ZNF566: variants seen among roughly 807,000 people sequenced by gnomAD.
The protein encoded by ZNF566 is zinc finger protein 566.
ZNF566 carries 27 observed loss-of-function variants against 32.8 expected under a neutral mutation model. The ratio of observed to expected loss-of-function variants is 0.82; its 90% confidence interval spans 0.61 to 1.14. The LOEUF (loss-of-function observed/expected upper bound fraction) is 1.14. ZNF566 is among the 50% of genes most tolerant of loss of function. The pLI, the probability that ZNF566 is intolerant of heterozygous loss-of-function variation, is 0.00. For missense variants in ZNF566, 402 were observed against 490.4 expected, an observed-to-expected ratio of 0.82 and a Z score of 1.70; for synonymous variants, 154 against 159.5, an observed-to-expected ratio of 0.97 and a Z score of 0.26.
chr19:36,468,505 C>T (rs528825736), intron 4 of ZNF566, among the ~76,000 whole-genome samples: 1 of 151,624 alleles, frequency 6.6e-6, no homozygotes, highest in South Asian at 2.1e-4. Context: ...ATTCGGGAGG[C>T]TAAGGCATGA....
intron 4 of ZNF566, among the ~76,000 whole-genome samples, chr19:36,453,521 A>T (rs1271226516): frequency 2.7e-5 from 4 of 148,274 alleles, no homozygotes; most frequent in African/African-American, 7.4e-5. Context: ...ATTAATTAAA[A>T]TAAAATAAAA....
At chr19:36,470,511 A>G (rs1238736129) in intron 4 of ZNF566, among the ~76,000 whole-genome samples, 1 of 152,190 alleles carries the variant, frequency 6.6e-6, no homozygotes, top group Admixed American at 6.5e-5. Context: ...ATGGTCTCTG[A>G]GCCATCACTG....
intron 4 of ZNF566, among the ~76,000 whole-genome samples, chr19:36,455,779 G>C (rs1287617390): frequency 6.6e-6 from 1 of 151,046 alleles, no homozygotes; most frequent in East Asian, 2.0e-4. Context: ...AGTGGCTTAT[G>C]CCTGTAATCC....
chr19:36,488,818 A>G (rs1354017796), intron 1 of ZNF566, among the ~76,000 whole-genome samples: 1 of 152,204 alleles, frequency 6.6e-6, no homozygotes, highest in Non-Finnish European at 1.5e-5. Context: ...AAACTGGAGT[A>G]TAATGCCTAG....
At chr19:36,472,028 G>C (rs148555630) in intron 4 of ZNF566, among the ~76,000 whole-genome samples, 1 of 152,258 alleles carries the variant, frequency 6.6e-6, no homozygotes, top group African/African-American at 2.4e-5. Context: ...ACAGGGGTGA[G>C]CCACTGCACC....
At chr19:36,465,188 A>T (rs1377357736) in intron 4 of ZNF566, among the ~76,000 whole-genome samples, 1 of 152,190 alleles carries the variant, frequency 6.6e-6, no homozygotes, top group Non-Finnish European at 1.5e-5. Context: ...TTAAAATTAT[A>T]AAATAAGAGT....
intron 2 of ZNF566, among the ~76,000 whole-genome samples, chr19:36,474,301 G>A (rs1328556126): frequency 1.3e-5 from 2 of 152,176 alleles, no homozygotes; most frequent in Non-Finnish European, 2.9e-5. Context: ...GAGGGAAAAC[G>A]TATTGATTGG....
intron 4 of ZNF566, among the ~76,000 whole-genome samples, chr19:36,455,622 C>A (rs185115150): frequency 9.3e-4 from 141 of 152,132 alleles, no homozygotes; most frequent in African/African-American, 3.0e-3. Context: ...CACCTGTAAT[C>A]CCAGTTACTC....
intron 2 of ZNF566, among the ~76,000 whole-genome samples, chr19:36,475,207 G>T (rs1009692244): frequency 2.5e-4 from 38 of 152,080 alleles, no homozygotes; most frequent in Non-Finnish European, 1.2e-4. Context: ...CAACATGCCT[G>T]GCTAATTTTT....
intron 1 of ZNF566, among the ~76,000 whole-genome samples, chr19:36,483,741 G>A (rs1030600313): frequency 5.3e-5 from 8 of 152,090 alleles, no homozygotes; most frequent in Admixed American, 1.3e-4. Context: ...AACAATGAAC[G>A]ATTCGCAAAT....
chr19:36,470,655 T>C (rs1276200774), intron 4 of ZNF566, among the ~76,000 whole-genome samples: 5 of 152,098 alleles, frequency 3.3e-5, no homozygotes, highest in Admixed American at 2.6e-4. Flanking sequence ...TCACACCTGT[T>C]ATCCCAGCAC....
chr19:36,476,619 G>C lies in ZNF566; in HGVS notation c.-59-3C>G. ...TCTTCTTTTGGAGAAGGGTAGAGCTGGGAGAGGCAAAAGAAGATAGATAAG... is the reference window on the plus strand; with the variant it reads ...TCTTCTTTTGGAGAAGGGTAGAGCTCGGAGAGGCAAAAGAAGATAGATAAG... On this transcript the variant is annotated splice_polypyrimidine_tract_variant and splice_region_variant and intron_variant, in intron 1 of 4. Coordinates refer to ENST00000452939, the MANE Select transcript of ZNF566 (RefSeq NM_001145344.1). 1 of 1,608,574 alleles carries C rather than the reference G, an allele frequency of 6.2e-7. No homozygotes were observed. The highest frequency in any genetic ancestry group is 8.5e-7 in the Non-Finnish European group (1 of 1,177,956).
chr19:36,450,120 G>T (rs374918147), intron 4 of ZNF566, 119 bp from the exon 5 acceptor site: 1 of 774,584 alleles, frequency 1.3e-6, no homozygotes, highest in Admixed American at 2.9e-5. Context: ...AAAAAAGAGA[G>T]TTAGAAGACA....
At chr19:36,484,274 T>TACACTGTTACAGGCACAC (rs1260194011) in intron 1 of ZNF566, among the ~76,000 whole-genome samples, 1 of 152,234 alleles carries the variant, frequency 6.6e-6, no homozygotes, top group South Asian at 2.1e-4. Flanking sequence ...TACAGGCACA[T>TACACTGTTACAGGCACAC]ACACTGTTAC....
Position 36,448,834 on chromosome 19 carries a change from AT to A in ZNF566, c.*142del. The A allele has an allele frequency of 1.4e-6, 1 of 715,628 alleles. No individual in the cohort carries two copies. The highest frequency in any genetic ancestry group is 2.2e-6 in the Non-Finnish European group (1 of 462,724). The allele number at this position is 715,628 out of a possible 1,614,324, so 44.3% of individuals were successfully genotyped here. Reference sequence around the variant, plus strand: ...TCTATTCATAGAGTATTTCTCCAACATTATTTTTCCCAGGCTGAATAAGCTG... The same window carrying A: ...TCTATTCATAGAGTATTTCTCCAACATATTTTTCCCAGGCTGAATAAGCTG... On this transcript the variant is annotated 3_prime_UTR_variant, in exon 5 of 5. Transcript: ENST00000452939.
At chr19:36,486,640 C>T (rs1444410266) in intron 1 of ZNF566, among the ~76,000 whole-genome samples, 1 of 139,294 alleles carries the variant, frequency 7.2e-6, no homozygotes, top group African/African-American at 2.8e-5. Context: ...CATTGCACTC[C>T]AGCCTGGGCA....
rs140699364 is a variant in ZNF566, at chr19:36,487,464, A to C, written c.-60+2022T>G. ...ATATCCATCAACAATGTAATCGACTAATATACTACAATATATCCCCAGTAT... is the reference window on the plus strand; with the variant it reads ...ATATCCATCAACAATGTAATCGACTCATATACTACAATATATCCCCAGTAT... On this transcript the variant is annotated intron_variant, in intron 1 of 4. Transcript: ENST00000452939. Among the ~76,000 whole-genome samples, 5 of 152,350 alleles carry C rather than the reference A, an allele frequency of 3.3e-5. No individual in the cohort carries two copies. In the East Asian group the frequency reaches 7.7e-4, roughly 23 times the overall value.
At chr19:36,486,065 GAGAGAA>G (rs2034155320) in intron 1 of ZNF566, among the ~76,000 whole-genome samples, 1 of 145,528 alleles carries the variant, frequency 6.9e-6, no homozygotes, top group Non-Finnish European at 1.5e-5. Flanking sequence ...ATAAGACAGA[GAGAGAA>G]AGAGAAAAGA....
rs117214269 is a variant in ZNF566, at chr19:36,473,976, T to C, written c.10-518A>G. 4.7e-3 allele frequency among the ~76,000 whole-genome samples: 714 copies of C among 152,254 alleles called. 6 individuals carry two copies. The highest frequency in any genetic ancestry group is 4.8e-3 in the Non-Finnish European group (328 of 68,012). On this transcript the variant is annotated intron_variant, in intron 2 of 4. Coordinates refer to ENST00000452939, the MANE Select transcript of ZNF566 (RefSeq NM_001145344.1). ...TAAAAGCAAGAAACAATAAGAACGA[T>C]TCTTCAATATTCTGATGGAGAAAAT...
Sources: gnomAD v4.1 joint callset for allele counts (sites outside exome capture counted in the v4.1 genomes callset) on GRCh38, gnomAD v4.1.1 for gene constraint, MANE v1.5 for transcripts, NCBI Gene and HGNC (gene_info 2026-07-23, HGNC 2026-07-21) for gene names.